The following DNAAF5 variants were observed in gnomAD, a reference collection of about 807,000 sequenced individuals.
DNAAF5 encodes HEAT repeat containing 2.
DNAAF5 carries 64 observed loss-of-function variants against 75.8 expected under a neutral mutation model. The ratio of observed to expected loss-of-function variants is 0.84; its 90% confidence interval spans 0.69 to 1.04. The LOEUF is 1.04. DNAAF5 is among the 50% of genes least tolerant of loss of function. The probability of loss-of-function intolerance (pLI) is 0.00; values close to 1 mark genes in which losing one functional copy is unlikely to be tolerated. For synonymous variants in DNAAF5, 657 were observed against 557.2 expected, an observed-to-expected ratio of 1.18 and a Z score of -2.52; for missense variants, 1,269 against 1,178.5, an observed-to-expected ratio of 1.08 and a Z score of -1.12.
chr7:769,660 GGTT>G (rs1040007556), intron 8 of DNAAF5, among the ~76,000 whole-genome samples: 1 of 152,246 alleles, frequency 6.6e-6, no homozygotes, highest in African/African-American at 2.4e-5. Context: ...AAAAATGGAA[GGTT>G]GTTTTGTTTT....
At chr7:776,340 A>G (rs2128085521) in intron 11 of DNAAF5, among the ~76,000 whole-genome samples, 1 of 152,340 alleles carries the variant, frequency 6.6e-6, no homozygotes, top group South Asian at 2.1e-4. Context: ...CATCTCAAAA[A>G]AAAAAGAAAA....
Position 732,403 on chromosome 7 carries a change from C to T in DNAAF5, c.780+2556C>T, listed in dbSNP as rs142701497. On this transcript the variant is annotated intron_variant, in intron 2 of 12. Coordinates refer to ENST00000297440, the MANE Select transcript of DNAAF5 (RefSeq NM_017802.4). ...CCTCAGGTGGGTGACTCATGGACTT[C>T]GCCCTGCAGGGGTGCCCTGGTTGTC... is the stretch of plus-strand genomic sequence containing the variant. 8.5e-5 allele frequency among the ~76,000 whole-genome samples: 13 copies of T among 152,366 alleles called. No homozygotes were observed. The East Asian group carries it at 2.5e-3, about 29-fold the overall frequency.
At chr7:747,844 C>T (rs113044220) in intron 4 of DNAAF5, among the ~76,000 whole-genome samples, 3 of 1,690 alleles carry the variant, frequency 1.8e-3, no homozygotes, top group Admixed American at 3.2e-3. Context: ...TTGCTGGTTT[C>T]AGTGTGTCCA....
chr7:727,146 C>T lies in DNAAF5; in HGVS notation c.426C>T (p.Arg142=), dbSNP rs1464201003. The T allele has an allele frequency of 2.7e-5, 34 of 1,257,258 alleles. No individual in the cohort carries two copies. The highest frequency in any genetic ancestry group is 1.8e-4 in the East Asian group (5 of 27,040). The allele number at this position is 1,257,258 out of a possible 1,614,324, so 77.9% of individuals were successfully genotyped here. The stretch of plus-strand genomic sequence containing the variant: ...CGCCCGAGGCCTGTGAGGAGCTGCG[C>T]CTGGCGCTTGTGCAGCTGCTGGGCC... ...RRPPEACEEL[R]LALVQLLGLA... The change falls in exon 1 of 13, where the codon CGC becomes CGT. Residue 142 remains arginine (R), a synonymous_variant. Coordinates refer to ENST00000297440, the MANE Select transcript of DNAAF5 (RefSeq NM_017802.4).
At chr7:752,168 T>A (rs1782318977) in intron 4 of DNAAF5, among the ~76,000 whole-genome samples, 1 of 152,236 alleles carries the variant, frequency 6.6e-6, no homozygotes, top group Non-Finnish European at 1.5e-5. Context: ...TAATGGCATC[T>A]TTTAATAAGG....
intron 12 of DNAAF5, among the ~76,000 whole-genome samples, chr7:783,151 G>A (rs1435851941): frequency 3.3e-5 from 5 of 152,214 alleles, no homozygotes; most frequent in Admixed American, 2.0e-4. Flanking sequence ...CTTTCACGCC[G>A]TGCTCTGCCA....
chr7:741,518 G>T, intron 4 of DNAAF5, 53 bp downstream of exon 4: 2 of 1,120,710 alleles, frequency 1.8e-6, no homozygotes, highest in Admixed American at 2.1e-5. Context: ...TGTTGGGTGG[G>T]AAAGGGGCTT....
intron 4 of DNAAF5, among the ~76,000 whole-genome samples, chr7:746,098 A>G (rs1782094302): frequency 6.6e-6 from 1 of 152,224 alleles, no homozygotes; most frequent in African/African-American, 2.4e-5. Flanking sequence ...AATTTTAAAT[A>G]CGATTTCTCA....
At chr7:781,922 T>G (rs1297731790) in intron 12 of DNAAF5, among the ~76,000 whole-genome samples, 1 of 152,232 alleles carries the variant, frequency 6.6e-6, no homozygotes, top group Admixed American at 6.5e-5. Flanking sequence ...AGATACAGTC[T>G]CCCATCCCGT....
chr7:727,358 T>A, intron 1 of DNAAF5, 43 bp downstream of exon 1: 1 of 1,056,086 alleles, frequency 9.5e-7, no homozygotes. Flanking sequence ...CCCCACACTC[T>A]CACCCCCACC....
chr7:740,099 C>T (rs930055849), intron 2 of DNAAF5, among the ~76,000 whole-genome samples: 8 of 152,240 alleles, frequency 5.3e-5, no homozygotes, highest in Non-Finnish European at 7.4e-5. Context: ...GATCAGTCTG[C>T]GGCTGGCTTC....
At chr7:769,094 G>T in intron 8 of DNAAF5, 1 of 734,856 alleles carries the variant, frequency 1.4e-6, no homozygotes. Context: ...TTGCGTCTCC[G>T]TGTGGCAAGG....
chr7:785,732 C>A lies in DNAAF5; in HGVS notation c.*79C>A. ...TGGCCTTTAAATCTCATAAACAAGG[C>A]ACCTCTGTGCCAGCAGTGAGACTGT... is the stretch of plus-strand genomic sequence containing the variant. On this transcript the variant is annotated 3_prime_UTR_variant, in exon 13 of 13. Transcript: ENST00000297440. 6.6e-7 allele frequency: 1 copy of A among 1,520,286 alleles called. No individual in the cohort carries two copies. The highest frequency in any genetic ancestry group is 8.9e-7 in the Non-Finnish European group (1 of 1,122,274). 94.2% of individuals were successfully genotyped at this position (1,520,286 alleles called of 1,614,324 possible).
At chr7:761,659 G>A (rs538655796) in intron 6 of DNAAF5, 94 bp from the exon 7 acceptor site, 7 of 1,330,554 alleles carry the variant, frequency 5.3e-6, no homozygotes, top group African/African-American at 1.5e-5. Context: ...CCCAGGATAC[G>A]TGGGGATTAT....
chr7:726,798 G>A lies in DNAAF5; in HGVS notation c.78G>A (p.Glu26=), dbSNP rs1583467478. The A allele has an allele frequency of 7.7e-7, 1 of 1,302,032 alleles. No homozygotes were observed. The highest frequency in any genetic ancestry group is 2.3e-5 in the South Asian group (1 of 43,242). The allele number at this position is 1,302,032 out of a possible 1,614,324, so 80.7% of individuals were successfully genotyped here. ...GGGCCGAGACGGCTGAGGCGGTGGA[G>A]CTGAGCCGCGCCCTGAGCCGCCTGC... ...AEGAETAEAV[E]LSRALSRLLP... The change falls in exon 1 of 13, where the codon GAG becomes GAA. Residue 26 remains glutamate (E), a synonymous_variant. Coordinates refer to ENST00000297440, the MANE Select transcript of DNAAF5 (RefSeq NM_017802.4).
chr7:745,492 G>A (rs1227640843), intron 4 of DNAAF5, among the ~76,000 whole-genome samples: 2 of 152,150 alleles, frequency 1.3e-5, no homozygotes, highest in East Asian at 1.9e-4. Flanking sequence ...ACATGTACAT[G>A]CATATCGCAC....
chr7:772,967 A>G (rs1412273172), intron 9 of DNAAF5: 3 of 152,038 alleles, frequency 2.0e-5, no homozygotes, highest in Non-Finnish European at 4.4e-5. Context: ...AATTAAAAAA[A>G]AAAAAAAAAA....
intron 8 of DNAAF5, among the ~76,000 whole-genome samples, chr7:764,869 G>A (rs1782772756): frequency 6.6e-6 from 1 of 152,156 alleles, no homozygotes; most frequent in South Asian, 2.1e-4. Flanking sequence ...TCAGGAGTTC[G>A]AGACCAGCCT....
intron 1 of DNAAF5, among the ~76,000 whole-genome samples, chr7:728,776 G>T (rs1781456066): frequency 6.6e-6 from 1 of 152,176 alleles, no homozygotes; most frequent in African/African-American, 2.4e-5. Flanking sequence ...GTGAGGGACT[G>T]TGCCTCTGCC....
Sources: allele counts gnomAD v4.1 joint callset (sites outside exome capture counted in the v4.1 genomes callset), GRCh38; gene constraint gnomAD v4.1.1; transcripts MANE v1.5; gene names NCBI Gene and HGNC (gene_info 2026-07-23, HGNC 2026-07-21).